The following LRRN3 variants were observed in gnomAD, a reference collection of about 807,000 sequenced individuals.
LRRN3 encodes leucine rich repeat neuronal 3.
Under a neutral mutation model 40.1 loss-of-function variants are expected in LRRN3, and 15 were observed. That is an observed-to-expected ratio of 0.37 (90% CI 0.25 to 0.58). The LOEUF (loss-of-function observed/expected upper bound fraction) is 0.58. LRRN3 is among the 20% of genes least tolerant of loss of function. The pLI is 0.72. For synonymous variants in LRRN3, 308 were observed against 297.2 expected, an observed-to-expected ratio of 1.04 and a Z score of -0.37; for missense variants, 746 against 837.7, an observed-to-expected ratio of 0.89 and a Z score of 1.35.
chr7:111,106,293 T>C (rs1215114824), intron 2 of LRRN3, among the ~76,000 whole-genome samples: 1 of 151,948 alleles, frequency 6.6e-6, no homozygotes, highest in Non-Finnish European at 1.5e-5. Flanking sequence ...ATTGTTCTCC[T>C]TATTTAATGG....
intron 2 of LRRN3, among the ~76,000 whole-genome samples, chr7:111,103,525 T>C (rs1798209306): frequency 6.6e-6 from 1 of 151,672 alleles, no homozygotes; most frequent in African/African-American, 2.4e-5. Context: ...AAATATCGAT[T>C]AGGCAAGTAA....
rs1426303607 is a variant in LRRN3 at position 111,106,521 on chromosome 7, G to GTGGA, written c.-359+6560_-359+6563dup. Among the ~76,000 whole-genome samples the GTGGA allele has an allele frequency of 3.3e-5, 5 of 151,820 alleles. No homozygotes were observed. The East Asian group carries it at 9.7e-4, about 29-fold the overall frequency. ...CTTCTACCATCACCATTTTTGCCAT[G>GTGGA]TGGAAACTTCTCATGAACTTCTCAC... On this transcript the variant is annotated intron_variant, in intron 2 of 2. Coordinates refer to ENST00000308478, the MANE Select transcript of LRRN3 (RefSeq NM_001099658.2).
In LRRN3 at chr7:111,122,917, G is replaced by C; in HGVS notation, c.145G>C (p.Glu49Gln). The C allele has an allele frequency of 6.2e-7, 1 of 1,614,024 alleles. No individual in the cohort carries two copies. ...GTTTACACCCAGATCCATTTATATG[G>C]AAGCATCTACAGTGGATTGTAATGA... Reference protein sequence around the residue: ...PWFTPRSIYMEASTVDCNDLG... With the variant: ...PWFTPRSIYMQASTVDCNDLG... The change falls in exon 3 of 3, where the codon GAA becomes CAA. Residue 49 changes from glutamate to glutamine, a missense_variant. Glu to Gln is a conservative substitution (Grantham distance 29, BLOSUM62 2). Coordinates refer to ENST00000308478, the MANE Select transcript of LRRN3 (RefSeq NM_001099658.2).
At chr7:111,111,044 A>T (rs1262498218) in intron 2 of LRRN3, among the ~76,000 whole-genome samples, 2 of 152,158 alleles carry the variant, frequency 1.3e-5, no homozygotes, top group Non-Finnish European at 2.9e-5. Flanking sequence ...ATAATCCTAA[A>T]TTATCTGGAA....
chr7:111,120,661 G>T (rs983807554), intron 2 of LRRN3, among the ~76,000 whole-genome samples: 1 of 152,114 alleles, frequency 6.6e-6, no homozygotes, highest in Admixed American at 6.6e-5. Context: ...CTTTAGTTAC[G>T]AATGATAACA....
In LRRN3 at chr7:111,093,300, GATTT is replaced by G. The variant is rs1176709964; in HGVS notation, c.-441+1800_-441+1803del. On this transcript the variant is annotated intron_variant, in intron 1 of 2. Coordinates refer to ENST00000308478, the MANE Select transcript of LRRN3 (RefSeq NM_001099658.2). ...TGCAATCTATAAAAAAAACCAAAAT[GATTT>G]ATTACAAAAAGGAAAAAGTGTTTTA... is the stretch of plus-strand genomic sequence containing the variant. 2.6e-5 allele frequency among the ~76,000 whole-genome samples: 4 copies of G among 152,190 alleles called. No homozygotes were observed. In the East Asian group the frequency reaches 7.7e-4, roughly 29 times the overall value.
At chr7:111,112,332 T>A (rs890709755) in intron 2 of LRRN3, among the ~76,000 whole-genome samples, 1 of 152,144 alleles carries the variant, frequency 6.6e-6, no homozygotes, top group Non-Finnish European at 1.5e-5. Flanking sequence ...ATGACAAAGC[T>A]TCACTGACCT....
chr7:111,121,562 T>C (rs981869166), intron 2 of LRRN3, among the ~76,000 whole-genome samples: 3 of 152,126 alleles, frequency 2.0e-5, no homozygotes, highest in Non-Finnish European at 4.4e-5. Context: ...ATGGCAATCA[T>C]TAAAAAGTCA....
chr7:111,091,941 T>A (rs757087577), intron 1 of LRRN3, among the ~76,000 whole-genome samples: 17 of 152,244 alleles, frequency 1.1e-4, no homozygotes, highest in Admixed American at 2.0e-4. Context: ...CTTCACATTA[T>A]TTGTAGTGAA....
rs4601242 is a variant in LRRN3, at chr7:111,123,242, C to T, written c.470C>T (p.Pro157Leu). The T allele has an allele frequency of 6.2e-7, 1 of 1,613,832 alleles. No individual in the cohort carries two copies. The highest frequency in any genetic ancestry group is 1.1e-5 in the South Asian group (1 of 91,072). Reference sequence around the variant, plus strand: ...CACAACTTGCTTTCTACAATTTCACCTGGAGCCTTTATTGGCCTACATAAT... The same window carrying T: ...CACAACTTGCTTTCTACAATTTCACTTGGAGCCTTTATTGGCCTACATAAT... ...INHNLLSTIS[P>L]GAFIGLHNLL... The change falls in exon 3 of 3, where the codon CCT becomes CTT. Residue 157 changes from proline to leucine, a missense_variant. Physicochemically the swap from Pro to Leu is moderately conservative, Grantham distance 98. Coordinates refer to ENST00000308478, the MANE Select transcript of LRRN3 (RefSeq NM_001099658.2). The surrounding 1 kb of genome is among the most constrained non-coding windows in gnomAD (Gnocchi z 6.4).
intron 2 of LRRN3, among the ~76,000 whole-genome samples, chr7:111,121,847 A>C (rs562707822): frequency 6.6e-6 from 1 of 152,060 alleles, no homozygotes; most frequent in African/African-American, 2.4e-5. Flanking sequence ...AACAATGATA[A>C]ACTGGATTAA....
chr7:111,106,847 TA>T (rs2129581635), intron 2 of LRRN3, among the ~76,000 whole-genome samples: 1 of 151,588 alleles, frequency 6.6e-6, no homozygotes, highest in East Asian at 1.9e-4. Flanking sequence ...GTTCTCAATT[TA>T]AAAATAATTG....
intron 2 of LRRN3, among the ~76,000 whole-genome samples, chr7:111,113,041 T>C (rs1056330654): frequency 6.6e-6 from 1 of 152,198 alleles, no homozygotes; most frequent in Admixed American, 6.5e-5. Context: ...AACCATATTT[T>C]ATTATATGCA....
At chr7:111,108,669 C>T (rs1798823883) in intron 2 of LRRN3, among the ~76,000 whole-genome samples, 1 of 152,086 alleles carries the variant, frequency 6.6e-6, no homozygotes, top group South Asian at 2.1e-4. Flanking sequence ...GGTATTGTTA[C>T]ACTTTTGTAA....
At chr7:111,105,426 A>C (rs1234082612) in intron 2 of LRRN3, among the ~76,000 whole-genome samples, 1 of 151,892 alleles carries the variant, frequency 6.6e-6, no homozygotes, top group East Asian at 1.9e-4. Flanking sequence ...ACAACAGTAC[A>C]TAAATTGACC....
rs982861831 is a variant in LRRN3 at position 111,122,542 on chromosome 7, T to C, written c.-231T>C. The C allele has an allele frequency of 9.7e-6, 5 of 516,046 alleles. No individual in the cohort carries two copies. The highest frequency in any genetic ancestry group is 1.7e-5 in the Non-Finnish European group (5 of 292,036). 32.0% of individuals were successfully genotyped at this position (516,046 alleles called of 1,614,324 possible). On this transcript the variant is annotated 5_prime_UTR_variant, in exon 3 of 3. Transcript: ENST00000308478. The stretch of plus-strand genomic sequence containing the variant: ...TCCACCTTCAAAAAGTACATCAATA[T>C]TATATCATTAAGGAAATAGTAACCT...
chr7:111,105,013 T>G (rs1798385891), intron 2 of LRRN3, among the ~76,000 whole-genome samples: 1 of 151,784 alleles, frequency 6.6e-6, no homozygotes, highest in African/African-American at 2.4e-5. Context: ...CTTGCCAGAA[T>G]GCAAAGAGCA....
chr7:111,119,653 C>T (rs1563263848), intron 2 of LRRN3, among the ~76,000 whole-genome samples: 1 of 152,166 alleles, frequency 6.6e-6, no homozygotes, highest in Non-Finnish European at 1.5e-5. Flanking sequence ...GATAGAATTA[C>T]TTAAGTAACA....
At chr7:111,115,089 T>G (rs188243821) in intron 2 of LRRN3, among the ~76,000 whole-genome samples, 130 of 152,226 alleles carry the variant, frequency 8.5e-4, no homozygotes, top group African/African-American at 2.9e-3. Context: ...TGAGTGTTTT[T>G]CCCAGAGAGA....
Sources: allele counts gnomAD v4.1 joint callset (sites outside exome capture counted in the v4.1 genomes callset), GRCh38; gene constraint gnomAD v4.1.1; non-coding constraint Gnocchi (gnomAD v3.1); transcripts MANE v1.5; gene names NCBI Gene and HGNC (gene_info 2026-07-23, HGNC 2026-07-21).